STARD13: variants seen among roughly 807,000 people sequenced by gnomAD.
STARD13 encodes StAR related lipid transfer domain containing 13.
STARD13 carries 62 observed loss-of-function variants against 106.4 expected under a neutral mutation model. That is an observed-to-expected ratio of 0.58 (90% confidence interval 0.48 to 0.72). STARD13 has a LOEUF of 0.72. Among genes scored for constraint, STARD13 ranks in the 30% least tolerant of loss-of-function variants. STARD13 has a pLI of 0.00. For synonymous variants in STARD13, 565 were observed against 553.0 expected, an observed-to-expected ratio of 1.02 and a Z score of -0.31; for missense variants, 1,387 against 1,424.0, an observed-to-expected ratio of 0.97 and a Z score of 0.42.
chr13:33,484,402 T>C, the STARD13 span, among the ~76,000 whole-genome samples: 15 of 152,222 alleles, frequency 9.9e-5, no homozygotes, highest in Non-Finnish European at 1.3e-4. Context: ...TTGTAGAATC[T>C]AAAATTGACC....
chr13:33,676,067 G>A, the STARD13 span, among the ~76,000 whole-genome samples: 3 of 152,166 alleles, frequency 2.0e-5, no homozygotes, highest in Non-Finnish European at 4.4e-5. Context: ...CTCCTAGTCT[G>A]TACTATAATT....
chr13:33,603,477 A>T, the STARD13 span, among the ~76,000 whole-genome samples: 4 of 152,282 alleles, frequency 2.6e-5, no homozygotes, highest in African/African-American at 9.6e-5. Flanking sequence ...ACACAACAAA[A>T]GGGTAAGCCA....
At chr13:33,563,558 C>T in the STARD13 span, among the ~76,000 whole-genome samples, 1 of 147,244 alleles carries the variant, frequency 6.8e-6, no homozygotes. Flanking sequence ...CCATCTTTCA[C>T]CATATACCAA....
the STARD13 span, among the ~76,000 whole-genome samples, chr13:33,570,670 C>T: frequency 1.3e-5 from 2 of 151,968 alleles, no homozygotes; most frequent in Non-Finnish European, 2.9e-5. Flanking sequence ...AGTCCACAGA[C>T]AGTTTGCTCA....
At chr13:33,501,076 TC>T in the STARD13 span, among the ~76,000 whole-genome samples, 1 of 130,374 alleles carries the variant, frequency 7.7e-6, no homozygotes, top group East Asian at 2.2e-4. Context: ...CTTCTCTCTC[TC>T]CTTTTTTTTT....
At chr13:33,413,231 T>C in the STARD13 span, among the ~76,000 whole-genome samples, 2 of 151,924 alleles carry the variant, frequency 1.3e-5, no homozygotes, top group Non-Finnish European at 2.9e-5. Flanking sequence ...TGAGAAAAAA[T>C]ACAATATATC....
At chr13:33,233,151 G>T (rs1889010084) in intron 1 of STARD13, among the ~76,000 whole-genome samples, 1 of 152,250 alleles carries the variant, frequency 6.6e-6, no homozygotes, top group African/African-American at 2.4e-5. Context: ...CCAAGCCAAA[G>T]AGAGTTTAAA....
chr13:33,491,403 C>G, the STARD13 span, among the ~76,000 whole-genome samples: 1 of 152,128 alleles, frequency 6.6e-6, no homozygotes, highest in Non-Finnish European at 1.5e-5. Context: ...TAGGAGAGAA[C>G]GTGTTCTAAT....
At chr13:33,108,071 G>T (rs148891010) in intron 12 of STARD13, among the ~76,000 whole-genome samples, 5 of 152,310 alleles carry the variant, frequency 3.3e-5, no homozygotes, top group African/African-American at 1.2e-4. Context: ...GTGATAAATC[G>T]TGACGACTGA....
chr13:33,168,100 C>T (rs554709911), intron 1 of STARD13, among the ~76,000 whole-genome samples: 1 of 151,438 alleles, frequency 6.6e-6, no homozygotes, highest in South Asian at 2.1e-4. Flanking sequence ...AACTAGATTG[C>T]CTATGAAAAT....
chr13:33,449,993 G>A, the STARD13 span, among the ~76,000 whole-genome samples: 5 of 152,104 alleles, frequency 3.3e-5, no homozygotes, highest in African/African-American at 7.2e-5. Flanking sequence ...TGTGAAGTAC[G>A]GGGTTTTCTA....
the STARD13 span, among the ~76,000 whole-genome samples, chr13:33,467,535 C>T: frequency 6.6e-6 from 1 of 152,088 alleles, no homozygotes; most frequent in Non-Finnish European, 1.5e-5. Context: ...GGTTGGGGAC[C>T]TCTGGTCTAA....
the STARD13 span, among the ~76,000 whole-genome samples, chr13:33,426,275 A>G: frequency 6.6e-6 from 1 of 152,218 alleles, no homozygotes; most frequent in Non-Finnish European, 1.5e-5. Flanking sequence ...AATTATTGTG[A>G]CATCATACAT....
rs1462459360 is a variant in STARD13, at chr13:33,104,800, C to G, written c.*793G>C. On this transcript the variant is annotated 3_prime_UTR_variant, in exon 14 of 14. Coordinates refer to ENST00000336934, the MANE Select transcript of STARD13 (RefSeq NM_178006.4). ...CTTCTGTTTCAGTCACTCTCGCTGA[C>G]TCCGGTGGTCCATATCTCACTGAAA... 1 of 153,594 alleles carries G rather than the reference C, an allele frequency of 6.5e-6. No homozygotes were observed. The highest frequency in any genetic ancestry group is 1.5e-5 in the Non-Finnish European group (1 of 68,064). The allele number at this position is 153,594 out of a possible 1,614,324, so 9.5% of individuals were successfully genotyped here. A position where few individuals can be genotyped will look rare whatever the true frequency, so the allele number is the denominator to read the frequency against.
chr13:33,201,508 C>T (rs1453101875), intron 1 of STARD13, among the ~76,000 whole-genome samples: 1 of 152,204 alleles, frequency 6.6e-6, no homozygotes, highest in Non-Finnish European at 1.5e-5. Flanking sequence ...CCACAATTTA[C>T]ATAGTTTTCT....
chr13:33,138,198 A>G (rs1423897875), intron 4 of STARD13, among the ~76,000 whole-genome samples: 3 of 152,214 alleles, frequency 2.0e-5, no homozygotes, highest in Non-Finnish European at 2.9e-5. Context: ...CTCTTTCCTC[A>G]TTTAATAAAC....
At chr13:33,445,894 G>C in the STARD13 span, among the ~76,000 whole-genome samples, 1 of 152,100 alleles carries the variant, frequency 6.6e-6, no homozygotes, top group African/African-American at 2.4e-5. Flanking sequence ...CTGTGACCCA[G>C]ACACCTCCCA....
intron 4 of STARD13, among the ~76,000 whole-genome samples, chr13:33,137,609 C>T (rs1420882353): frequency 6.6e-6 from 1 of 152,168 alleles, no homozygotes; most frequent in East Asian, 1.9e-4. Flanking sequence ...AAATAAATTG[C>T]CTTGCCATGT....
At chr13:33,167,682 T>C in intron 1 of STARD13, 60 bp from the exon 2 acceptor site, 2 of 1,511,384 alleles carry the variant, frequency 1.3e-6, no homozygotes, top group Admixed American at 3.4e-5. Flanking sequence ...GTACTCTGCC[T>C]TCTTAATCAT....
Sources: allele counts gnomAD v4.1 joint callset (sites outside exome capture counted in the v4.1 genomes callset), GRCh38; gene constraint gnomAD v4.1.1; transcripts MANE v1.5; gene names NCBI Gene and HGNC (gene_info 2026-07-23, HGNC 2026-07-21).